SPG21: variants seen among roughly 807,000 people sequenced by gnomAD.
SPG21 encodes the protein SPG21 abhydrolase domain containing, maspardin.
Under a neutral mutation model 38.9 loss-of-function variants are expected in SPG21, and 26 were observed. The ratio of observed to expected loss-of-function variants is 0.67; its 90% CI spans 0.49 to 0.93. The LOEUF is 0.93. SPG21 is among the 40% of genes least tolerant of loss of function. The pLI is 0.00. For synonymous variants in SPG21, 136 were observed against 128.9 expected, an observed-to-expected ratio of 1.05 and a Z score of -0.37; for missense variants, 333 against 376.5, an observed-to-expected ratio of 0.88 and a Z score of 0.96.
intron 2 of SPG21, 132 bp from the exon 3 acceptor site, chr15:64,981,157 C>T: frequency 9.5e-7 from 1 of 1,051,496 alleles, no homozygotes; most frequent in South Asian, 1.5e-5. Context: ...GAGCTCACAC[C>T]AGATTAGCAT....
intron 3 of SPG21, among the ~76,000 whole-genome samples, chr15:64,980,488 C>A (rs1439037128): frequency 2.6e-5 from 4 of 152,092 alleles, no homozygotes; most frequent in Admixed American, 6.6e-5. Context: ...GCTGTAATCT[C>A]AGCACTTTGC....
intron 1 of SPG21, chr15:64,988,683 A>C (rs1293925365): frequency 6.6e-6 from 1 of 152,310 alleles, no homozygotes; most frequent in Admixed American, 6.5e-5. Flanking sequence ...GGACACAGCT[A>C]TTAAGTTACT....
At chr15:64,967,943 C>T (rs2085576198) in intron 7 of SPG21, among the ~76,000 whole-genome samples, 1 of 152,184 alleles carries the variant, frequency 6.6e-6, no homozygotes, top group African/African-American at 2.4e-5. Context: ...CATAGAAGCA[C>T]TATTCACAAT....
chr15:64,982,729 A>G (rs1014389044), intron 2 of SPG21, among the ~76,000 whole-genome samples: 3 of 152,212 alleles, frequency 2.0e-5, no homozygotes, highest in Non-Finnish European at 2.9e-5. Context: ...CAACTGCAAT[A>G]TAAGTGTTTT....
At chr15:64,986,399 A>C (rs982914055) in intron 1 of SPG21, among the ~76,000 whole-genome samples, 3 of 144,748 alleles carry the variant, frequency 2.1e-5, no homozygotes, top group Admixed American at 1.4e-4. Context: ...TATGTTAAAA[A>C]ATTTTGCCAG....
chr15:64,979,845 C>CAAAAAAAAAAAAAAAAAAA (rs71136305), intron 3 of SPG21, among the ~76,000 whole-genome samples: 1 of 89,552 alleles, frequency 1.1e-5, no homozygotes, highest in Non-Finnish European at 2.1e-5. Context: ...TGGAAGCATG[C>CAAAAAAAAAAAAAAAAAAA]AAAAAAAAAA....
At position 64,970,218 on chromosome 15, in the gene SPG21, A is replaced by G. The variant is rs1222480570; in HGVS notation, c.457T>C (p.Trp153Arg). The G allele has an allele frequency of 1.9e-6, 3 of 1,613,162 alleles. No individual in the cohort carries two copies. The highest frequency in any genetic ancestry group is 4.5e-5 in the East Asian group (2 of 44,872). ...TTGAGCATAAATGCAGGCATCAGCC[A>G]AAAGCTGTAAAACACAAAGACCTTA... ...FNQTWTANSF[W>R]LMPAFMLKKI... is the part of the protein sequence containing the mutation. Residue 153 changes from tryptophan to arginine, a missense_variant, in exon 6 of 9, where the codon TGG (tryptophan) becomes CGG (arginine). By Grantham distance (101) the Trp-to-Arg change is moderately radical. Transcript: ENST00000204566.
At chr15:64,972,788 T>C (rs2085694623) in intron 5 of SPG21, among the ~76,000 whole-genome samples, 2 of 152,162 alleles carry the variant, frequency 1.3e-5, no homozygotes, top group Non-Finnish European at 2.9e-5. Context: ...GCTGAGATCG[T>C]GCCACTGCAC....
chr15:64,971,321 C>T (rs1041213613), intron 5 of SPG21, among the ~76,000 whole-genome samples: 4 of 151,292 alleles, frequency 2.6e-5, no homozygotes, highest in African/African-American at 7.3e-5. Context: ...GGGCAGATCA[C>T]GAGGTCAGGA....
At chr15:64,974,424 G>A (rs1224185203) in intron 5 of SPG21, among the ~76,000 whole-genome samples, 178 bp downstream of exon 5, 2 of 152,108 alleles carry the variant, frequency 1.3e-5, no homozygotes, top group Admixed American at 6.6e-5. Flanking sequence ...GCAGTAAGCT[G>A]TGATTGCACC....
intron 7 of SPG21, among the ~76,000 whole-genome samples, chr15:64,967,469 CCTTTTTTTTTTTTT>C (rs2085564018): frequency 9.7e-6 from 1 of 103,396 alleles, no homozygotes; most frequent in African/African-American, 3.3e-5. Flanking sequence ...AGCTAATTTT[CCTTTTTTTTTTTTT>C]CTTTTTTTTG....
intron 2 of SPG21, 56 bp downstream of exon 2, chr15:64,983,451 C>T (rs1566932138): frequency 1.6e-6 from 2 of 1,234,022 alleles, no homozygotes; most frequent in African/African-American, 1.5e-5. Context: ...ATCTAAATCA[C>T]ACACAAAAAC....
chr15:64,983,827 G>C (rs933220687), intron 1 of SPG21, among the ~76,000 whole-genome samples: 3 of 150,310 alleles, frequency 2.0e-5, no homozygotes, highest in African/African-American at 7.4e-5. Flanking sequence ...TTGTTGCCCA[G>C]GCTGGAGTGC....
intron 5 of SPG21, among the ~76,000 whole-genome samples, chr15:64,972,601 G>A (rs1193729146): frequency 6.6e-6 from 1 of 152,242 alleles, no homozygotes; most frequent in Non-Finnish European, 1.5e-5. Flanking sequence ...GGGAGGCTGA[G>A]GCGGGCGGAT....
intron 4 of SPG21, among the ~76,000 whole-genome samples, chr15:64,975,686 G>C (rs2085760272): frequency 6.6e-6 from 1 of 152,110 alleles, no homozygotes; most frequent in African/African-American, 2.4e-5. Context: ...CATTATTCAT[G>C]ATATCCAAAG....
At chr15:64,968,506 A>C (rs2085592788) in intron 7 of SPG21, among the ~76,000 whole-genome samples, 1 of 152,210 alleles carries the variant, frequency 6.6e-6, no homozygotes, top group Non-Finnish European at 1.5e-5. Context: ...TTATAGACAG[A>C]AAATAAAACC....
chr15:64,979,075 G>C (rs576422942), intron 3 of SPG21, among the ~76,000 whole-genome samples: 77 of 152,328 alleles, frequency 5.1e-4, no homozygotes, highest in Non-Finnish European at 9.3e-4. Flanking sequence ...TCATGGAGCT[G>C]AACATTCTGA....
chr15:64,971,267 C>T (rs915913979), intron 5 of SPG21, among the ~76,000 whole-genome samples: 7 of 152,046 alleles, frequency 4.6e-5, no homozygotes, highest in African/African-American at 1.2e-4. Context: ...GGGCCAGGCA[C>T]GGTGGCTCAT....
intron 3 of SPG21, among the ~76,000 whole-genome samples, chr15:64,977,128 C>T (rs539413344): frequency 5.3e-5 from 8 of 152,064 alleles, no homozygotes; most frequent in East Asian, 1.9e-4. Context: ...TGCAGCGGCG[C>T]GATCTCGACT....
Sources: gnomAD v4.1 joint callset for allele counts (sites outside exome capture counted in the v4.1 genomes callset) on GRCh38, gnomAD v4.1.1 for gene constraint, MANE v1.5 for transcripts, NCBI Gene and HGNC (gene_info 2026-07-23, HGNC 2026-07-21) for gene names.